Variants in NPSR1 observed in about 807,000 individuals in gnomAD.
The protein encoded by NPSR1 is neuropeptide S receptor.
Under a neutral mutation model 46.9 loss-of-function variants are expected in NPSR1, and 48 were observed. The observed-to-expected ratio is 1.02, with a 90% CI of 0.81 to 1.30. The LOEUF (loss-of-function observed/expected upper bound fraction) is 1.30, where lower values mean the gene tolerates loss of function less well. NPSR1 is among the 50% of genes most tolerant of loss of function. The pLI, the probability that NPSR1 is intolerant of heterozygous loss-of-function variation, is 0.00. For synonymous variants in NPSR1, 176 were observed against 168.1 expected (o/e 1.05, Z -0.36); for missense variants, 450 against 449.5 (o/e 1.00, Z -0.01).
chr7:34,700,101 T>C (rs1011352872), intron 2 of NPSR1, among the ~76,000 whole-genome samples: 1 of 152,124 alleles, frequency 6.6e-6, no homozygotes, highest in African/African-American at 2.4e-5. Flanking sequence ...AAAATAACTT[T>C]GTTGTGGAGA....
intron 3 of NPSR1, among the ~76,000 whole-genome samples, chr7:34,803,370 T>C (rs954117179): frequency 6.6e-6 from 1 of 152,124 alleles, no homozygotes; most frequent in African/African-American, 2.4e-5. Context: ...ATATACACCA[T>C]GGAATACTAT....
chr7:34,849,922 C>A lies in NPSR1; in HGVS notation c.*267C>A. The stretch of plus-strand genomic sequence containing the variant: ...TCCTTCCCACTGGCCAGCACCTGAA[C>A]CCAGTGAACACAGGCATTAGTGGTC... On this transcript the variant is annotated 3_prime_UTR_variant, in exon 9 of 9. Transcript: ENST00000360581. The A allele has an allele frequency of 8.1e-7, 1 of 1,231,698 alleles. No homozygotes were observed. The highest frequency in any genetic ancestry group is 1.0e-6 in the Non-Finnish European group (1 of 977,530). 76.3% of individuals were successfully genotyped at this position (1,231,698 alleles called of 1,614,324 possible). A position where few individuals can be genotyped will look rare whatever the true frequency, so the allele number is the denominator to read the frequency against.
At chr7:34,876,283 T>C (rs1400256347) in intron 8 of NPSR1, among the ~76,000 whole-genome samples, 2 of 152,338 alleles carry the variant, frequency 1.3e-5, no homozygotes, top group East Asian at 3.9e-4. Flanking sequence ...TTACCCCACA[T>C]ACTGGCTATG....
intron 2 of NPSR1, among the ~76,000 whole-genome samples, chr7:34,730,558 A>T (rs192491943): frequency 6.1e-4 from 93 of 152,354 alleles, no homozygotes; most frequent in African/African-American, 2.0e-3. Context: ...TTATGTTTAA[A>T]ACAATTGGAT....
intron 3 of NPSR1, among the ~76,000 whole-genome samples, chr7:34,781,104 T>C (rs1787209400): frequency 6.6e-6 from 1 of 152,136 alleles, no homozygotes. Context: ...GAGAAGGCAC[T>C]GAGCTGTAAC....
intron 2 of NPSR1, chr7:34,719,018 T>C (rs1783712898): frequency 6.6e-6 from 1 of 152,328 alleles, no homozygotes; most frequent in Non-Finnish European, 1.5e-5. Flanking sequence ...GTTTGTTTGA[T>C]CTTAAAGCCC....
intron 2 of NPSR1, among the ~76,000 whole-genome samples, chr7:34,755,917 A>G (rs1309095157): frequency 1.3e-5 from 2 of 152,210 alleles, no homozygotes; most frequent in African/African-American, 4.8e-5. Flanking sequence ...TATTCTCATT[A>G]TGCCCATGTT....
intron 3 of NPSR1, among the ~76,000 whole-genome samples, chr7:34,794,253 G>A (rs1788073697): frequency 6.6e-6 from 1 of 152,082 alleles, no homozygotes; most frequent in Non-Finnish European, 1.5e-5. Context: ...AATGATAAAT[G>A]TTTAAGATGA....
At chr7:34,710,789 T>C (rs1478315467) in intron 2 of NPSR1, 3 of 497,390 alleles carry the variant, frequency 6.0e-6, no homozygotes, top group Non-Finnish European at 1.1e-5. Context: ...AAATGTTTCC[T>C]GCTGTGCCAG....
chr7:34,868,746 A>G (rs1172412842), intron 8 of NPSR1, among the ~76,000 whole-genome samples: 3 of 151,654 alleles, frequency 2.0e-5, no homozygotes, highest in Admixed American at 1.3e-4. Context: ...GTCGGTTTCC[A>G]TGGACTCCCG....
intron 3 of NPSR1, among the ~76,000 whole-genome samples, chr7:34,780,891 A>G (rs1252147669): frequency 6.6e-6 from 1 of 152,182 alleles, no homozygotes. Flanking sequence ...GCATTCGTCA[A>G]AACAGTTACA....
intron 2 of NPSR1, among the ~76,000 whole-genome samples, chr7:34,696,834 C>A (rs564384959): frequency 5.5e-4 from 83 of 151,878 alleles, no homozygotes; most frequent in African/African-American, 2.0e-3. Flanking sequence ...ACATAAAGCA[C>A]CATAAAGGAC....
chr7:34,755,830 T>C (rs1180136934), intron 2 of NPSR1, among the ~76,000 whole-genome samples: 2 of 152,196 alleles, frequency 1.3e-5, no homozygotes, highest in African/African-American at 2.4e-5. Context: ...TGAATGCTCA[T>C]TGAGCCACCT....
chr7:34,711,880 A>C (rs886967251), intron 2 of NPSR1, among the ~76,000 whole-genome samples: 2 of 152,280 alleles, frequency 1.3e-5, no homozygotes, highest in African/African-American at 4.8e-5. Context: ...CACCGGCTAC[A>C]CATTTGAATC....
intron 2 of NPSR1, among the ~76,000 whole-genome samples, chr7:34,696,345 G>T (rs1364392430): frequency 6.6e-6 from 1 of 152,006 alleles, no homozygotes; most frequent in African/African-American, 2.4e-5. Flanking sequence ...GAGTTGAAAA[G>T]TTACCTATTG....
Position 34,775,622 on chromosome 7 carries a change from CTTCT to C in NPSR1, c.281-2837_281-2834del, listed in dbSNP as rs545190448. 3.3e-5 allele frequency among the ~76,000 whole-genome samples: 5 copies of C among 152,132 alleles called. No homozygotes were observed. In the South Asian group the frequency reaches 8.3e-4, roughly 25 times the overall value. On this transcript the variant is annotated intron_variant, in intron 2 of 8. Transcript: ENST00000360581. ...CAATTTATTTATTTGAGTCTTCTCT[CTTCT>C]TTATTAGTCTGGCTAAAGGTTTGTC...
chr7:34,777,904 A>G lies in NPSR1; in HGVS notation c.281-558A>G, dbSNP rs1359316976. ...TAGTGCCTCTGTAATTCAACCAAGT[A>G]TATTAATTAAATGGATAGATCATAC... On this transcript the variant is annotated intron_variant, in intron 2 of 8. Coordinates refer to ENST00000360581, the MANE Select transcript of NPSR1 (RefSeq NM_207172.2). 2.0e-5 allele frequency among the ~76,000 whole-genome samples: 3 copies of G among 152,158 alleles called. No individual in the cohort carries two copies. The East Asian group carries it at 5.8e-4, about 29-fold the overall frequency.
In NPSR1 at chr7:34,689,590, G is replaced by T. The variant is rs189004490; in HGVS notation, c.280+4906G>T. Among the ~76,000 whole-genome samples, 273 of 100,158 alleles carry T rather than the reference G, an allele frequency of 2.7e-3. 1 individual carries two copies. The highest frequency in any genetic ancestry group is 0.011 in the African/African-American group (266 of 25,110). The allele number at this position is 100,158 out of a possible 152,430, so 65.7% of individuals were successfully genotyped here. On this transcript the variant is annotated intron_variant, in intron 2 of 8. Coordinates refer to ENST00000360581, the MANE Select transcript of NPSR1 (RefSeq NM_207172.2). Reference sequence around the variant, plus strand: ...ACTGCACTCCAGCCTGGATGACAGAGCCAGACTCTGTCTCAAAAAAAAAAA... The same window carrying T: ...ACTGCACTCCAGCCTGGATGACAGATCCAGACTCTGTCTCAAAAAAAAAAA...
intron 2 of NPSR1, among the ~76,000 whole-genome samples, chr7:34,765,654 C>G (rs1026555209): frequency 6.6e-6 from 1 of 152,148 alleles, no homozygotes; most frequent in African/African-American, 2.4e-5. Flanking sequence ...TTCACAATAC[C>G]AAAGACATGG....
Sources: gnomAD v4.1 joint callset for allele counts (sites outside exome capture counted in the v4.1 genomes callset) on GRCh38, gnomAD v4.1.1 for gene constraint, MANE v1.5 for transcripts, NCBI Gene and HGNC (gene_info 2026-07-23, HGNC 2026-07-21) for gene names.